The following PRDM2 variants were observed in gnomAD, a reference collection of about 807,000 sequenced individuals.
PRDM2 encodes the protein PR/SET domain 2.
In PRDM2, 30 loss-of-function variants were observed where a neutral mutation model predicts 130.0. That is an observed-to-expected ratio of 0.23 (90% confidence interval 0.17 to 0.31). PRDM2 has a LOEUF of 0.31. PRDM2 is among the 10% of genes least tolerant of loss of function. PRDM2 has a pLI of 1.00. For synonymous variants in PRDM2, 871 were observed against 782.4 expected (o/e 1.11, Z -1.89); for missense variants, 2,011 against 2,108.4 (o/e 0.95, Z 0.90).
chr1:13,745,775 GGGA>G (rs1197436089), intron 5 of PRDM2, among the ~76,000 whole-genome samples: 2 of 152,186 alleles, frequency 1.3e-5, no homozygotes, highest in Non-Finnish European at 2.9e-5. Context: ...TGTGGCTGTA[GGGA>G]GGAGGAGAGG....
chr1:13,756,251 A>G (rs1432604535), intron 6 of PRDM2, among the ~76,000 whole-genome samples: 2 of 149,086 alleles, frequency 1.3e-5, no homozygotes, highest in African/African-American at 5.0e-5. Flanking sequence ...CAACAGAGCG[A>G]GACTCCTTCT....
chr1:13,764,927 A>T lies in PRDM2; in HGVS notation c.512-8151A>T, dbSNP rs145754194. The stretch of plus-strand genomic sequence containing the variant: ...ATTTGAAATTATGCCAAACGAGCTT[A>T]ACAGAATTTTTTACTGTCAGATAAG... On this transcript the variant is annotated intron_variant, in intron 6 of 9. Transcript: ENST00000311066. Among the ~76,000 whole-genome samples, 395 of 152,384 alleles carry T rather than the reference A, an allele frequency of 2.6e-3. 2 individuals are homozygous for T. The highest frequency in any genetic ancestry group is 9.2e-3 in the African/African-American group (382 of 41,600).
intron 2 of PRDM2, among the ~76,000 whole-genome samples, chr1:13,717,892 C>G (rs944597994): frequency 6.6e-6 from 1 of 152,124 alleles, no homozygotes; most frequent in Non-Finnish European, 1.5e-5. Context: ...AAATTGCCCA[C>G]TTTTTATGAG....
At chr1:13,823,021 C>A in intron 9 of PRDM2, 138 bp from the exon 10 acceptor site, 2 of 827,904 alleles carry the variant, frequency 2.4e-6, no homozygotes, top group Non-Finnish European at 3.9e-6. Context: ...ATTCATCAAG[C>A]TGTGCTTTTT....
At chr1:13,787,691 ATG>A in intron 8 of PRDM2, 1 of 983,846 alleles carries the variant, frequency 1.0e-6, no homozygotes, top group Non-Finnish European at 1.2e-6. Context: ...ATTGTATTAT[ATG>A]TGATTTACAT....
intron 8 of PRDM2, among the ~76,000 whole-genome samples, chr1:13,807,350 C>G (rs1025433686): frequency 1.3e-5 from 2 of 152,246 alleles, no homozygotes; most frequent in African/African-American, 4.8e-5. Flanking sequence ...TGCCAGCCAG[C>G]GGCTGGGGTG....
chr1:13,709,900 TA>T (rs1642316591), intron 1 of PRDM2, among the ~76,000 whole-genome samples: 1 of 152,194 alleles, frequency 6.6e-6, no homozygotes, highest in Admixed American at 6.5e-5. Context: ...ATTGCAAAGT[TA>T]ATTATTTTCC....
At chr1:13,720,396 T>C (rs1484676377) in intron 2 of PRDM2, among the ~76,000 whole-genome samples, 2 of 152,084 alleles carry the variant, frequency 1.3e-5, no homozygotes, top group African/African-American at 4.8e-5. Flanking sequence ...CTGTGGTTCA[T>C]GTACCTGGAG....
intron 6 of PRDM2, among the ~76,000 whole-genome samples, chr1:13,750,381 T>C (rs1253362747): frequency 5.9e-5 from 9 of 151,686 alleles, no homozygotes. Flanking sequence ...TTGTGTTTTT[T>C]GTTTTTTTGT....
At chr1:13,798,788 C>G (rs531874728) in intron 8 of PRDM2, among the ~76,000 whole-genome samples, 1 of 152,118 alleles carries the variant, frequency 6.6e-6, no homozygotes, top group Non-Finnish European at 1.5e-5. Context: ...TCGATCCTTC[C>G]CTAGTAGAGC....
rs1016069030 is a variant in PRDM2 at position 13,803,463 on chromosome 1, C to T, written c.5037-12964C>T. On this transcript the variant is annotated intron_variant, in intron 8 of 9. Coordinates refer to ENST00000311066, the MANE Select transcript of PRDM2 (RefSeq NM_001393986.1). This position sits in a 1 kb window ranked among gnomAD's most constrained non-coding sequence, Gnocchi z 6.2. ...GTTACAGAGATCTGAGTGCCCTCAG[C>T]GAGTCCTCGGGGGCTTCAACTACCC... Among the ~76,000 whole-genome samples, 12 of 152,158 alleles carry T rather than the reference C, an allele frequency of 7.9e-5. No homozygotes were observed. The highest frequency in any genetic ancestry group is 1.3e-4 in the Non-Finnish European group (9 of 68,036).
At chr1:13,775,527 G>A (rs1042628753) in intron 7 of PRDM2, among the ~76,000 whole-genome samples, 7 of 152,334 alleles carry the variant, frequency 4.6e-5, no homozygotes, top group African/African-American at 1.2e-4. Flanking sequence ...TTAGTCTAGG[G>A]GGAGAGAAGG....
intron 1 of PRDM2, among the ~76,000 whole-genome samples, chr1:13,710,882 C>T (rs895128747): frequency 2.6e-5 from 4 of 152,006 alleles, no homozygotes; most frequent in African/African-American, 9.7e-5. Flanking sequence ...GTCAGGAGAT[C>T]GAGAGCTTCC....
At chr1:13,728,542 T>C (rs1266572152) in intron 2 of PRDM2, among the ~76,000 whole-genome samples, 2 of 152,160 alleles carry the variant, frequency 1.3e-5, no homozygotes, top group African/African-American at 4.8e-5. Context: ...GCCCAGCGTC[T>C]GGGTTGTGCT....
intron 7 of PRDM2, among the ~76,000 whole-genome samples, chr1:13,777,042 G>A (rs991497675): frequency 6.6e-6 from 1 of 152,096 alleles, no homozygotes; most frequent in Non-Finnish European, 1.5e-5. Context: ...ACTTTAGCAC[G>A]TCTGAAGTAA....
At chr1:13,792,060 G>A (rs1644849146) in intron 8 of PRDM2, among the ~76,000 whole-genome samples, 1 of 152,216 alleles carries the variant, frequency 6.6e-6, no homozygotes, top group East Asian at 1.9e-4. Context: ...AGTGAGGGGA[G>A]AAAGAACTGG....
At chr1:13,742,759 C>G (rs907463808) in intron 5 of PRDM2, among the ~76,000 whole-genome samples, 1 of 152,192 alleles carries the variant, frequency 6.6e-6, no homozygotes, top group African/African-American at 2.4e-5. Flanking sequence ...TAGGAACTGT[C>G]TGGCAGATTT....
At chr1:13,751,676 G>A (rs1643845114) in intron 6 of PRDM2, among the ~76,000 whole-genome samples, 1 of 152,110 alleles carries the variant, frequency 6.6e-6, no homozygotes, top group African/African-American at 2.4e-5. Context: ...GCTGAAAGCC[G>A]CATGTTGAAT....
At chr1:13,813,334 G>A (rs767981153) in intron 8 of PRDM2, among the ~76,000 whole-genome samples, 2 of 152,112 alleles carry the variant, frequency 1.3e-5, no homozygotes, top group African/African-American at 2.4e-5. Context: ...CTTGGTCCTC[G>A]GTATTTAACA....
Sources: gnomAD v4.1 joint callset for allele counts (sites outside exome capture counted in the v4.1 genomes callset) on GRCh38, gnomAD v4.1.1 for gene constraint, Gnocchi (gnomAD v3.1) non-coding constraint, MANE v1.5 for transcripts, NCBI Gene and HGNC (gene_info 2026-07-23, HGNC 2026-07-21) for gene names.